The following CALN1 variants were observed in gnomAD, a reference collection of about 807,000 sequenced individuals.
CALN1 encodes calneuron 1.
A neutral mutation model predicts 30.6 loss-of-function variants in CALN1; 17 were observed. That is an observed-to-expected ratio of 0.56 (90% confidence interval 0.38 to 0.83). CALN1 has a LOEUF of 0.83. Ranked by LOEUF, CALN1 falls within the 40% of genes least tolerant of loss-of-function variation. CALN1 has a pLI of 0.00. For missense variants in CALN1, 291 were observed against 354.9 expected (o/e 0.82, Z 1.45); for synonymous variants, 156 against 131.4 (o/e 1.19, Z -1.28).
chr7:71,802,971 C>T (rs933748906), intron 6 of CALN1, among the ~76,000 whole-genome samples: 1 of 152,056 alleles, frequency 6.6e-6, no homozygotes, highest in African/African-American at 2.4e-5. Context: ...TTGCAGTGAG[C>T]TGAGATCGCG....
At chr7:71,944,168 A>C (rs10277368) in intron 5 of CALN1, among the ~76,000 whole-genome samples, 105,245 of 152,074 alleles carry the variant, frequency 0.69, 37,034 homozygotes, top group Non-Finnish European at 0.74. Flanking sequence ...GCTGCTAGGC[A>C]GGGTGCAGTG....
chr7:72,173,826 CTA>C (rs1290237302), intron 3 of CALN1, among the ~76,000 whole-genome samples: 1 of 151,580 alleles, frequency 6.6e-6, no homozygotes, highest in Non-Finnish European at 1.5e-5. Flanking sequence ...AAAACAAAAA[CTA>C]TAAAACATTG....
chr7:72,192,103 C>G (rs1262008712), intron 3 of CALN1, among the ~76,000 whole-genome samples: 1 of 152,152 alleles, frequency 6.6e-6, no homozygotes, highest in Non-Finnish European at 1.5e-5. Flanking sequence ...TCTTCTCTTT[C>G]CTCTGACCTC....
intron 3 of CALN1, among the ~76,000 whole-genome samples, chr7:72,182,770 A>G (rs992445053): frequency 4.4e-5 from 2 of 45,432 alleles, no homozygotes; most frequent in Non-Finnish European, 7.1e-5. Context: ...CCAATGTTGT[A>G]AAAAAAAAAA....
chr7:72,087,145 A>G (rs1805534635), intron 4 of CALN1, among the ~76,000 whole-genome samples: 1 of 152,242 alleles, frequency 6.6e-6, no homozygotes, highest in African/African-American at 2.4e-5. Context: ...AGTCAGAAAC[A>G]AAAGAGCGTC....
intron 3 of CALN1, among the ~76,000 whole-genome samples, chr7:72,115,125 TATAA>T (rs900724304): frequency 6.8e-6 from 1 of 147,756 alleles, no homozygotes; most frequent in African/African-American, 2.5e-5. Context: ...TATAGTATAA[TATAA>T]ATATATAGTA....
chr7:71,978,417 AC>A (rs901049721), intron 5 of CALN1, among the ~76,000 whole-genome samples: 1 of 149,626 alleles, frequency 6.7e-6, no homozygotes, highest in East Asian at 2.0e-4. Context: ...GACTACAGGC[AC>A]CCCCCCACCA....
At chr7:72,359,976 C>CAAAAAAAAAAAAAAAAAAAAAAA (rs750054515) in intron 2 of CALN1, among the ~76,000 whole-genome samples, 6 of 63,944 alleles carry the variant, frequency 9.4e-5, no homozygotes, top group Admixed American at 3.7e-4. Context: ...GACTCCATCT[C>CAAAAAAAAAAAAAAAAAAAAAAA]AAAAAAAAAA....
intron 2 of CALN1, among the ~76,000 whole-genome samples, chr7:72,314,354 T>TATAC (rs1800270083): frequency 2.5e-5 from 2 of 81,006 alleles, no homozygotes; most frequent in South Asian, 6.8e-4. Flanking sequence ...TATATACATA[T>TATAC]ATATACATAT....
At chr7:72,155,837 G>A (rs1787632750) in intron 3 of CALN1, among the ~76,000 whole-genome samples, 1 of 152,120 alleles carries the variant, frequency 6.6e-6, no homozygotes, top group South Asian at 2.1e-4. Context: ...CCCTCTGGAA[G>A]CTCAGCAAAT....
intron 3 of CALN1, among the ~76,000 whole-genome samples, chr7:72,156,992 C>A (rs1468369852): frequency 6.6e-6 from 1 of 152,184 alleles, no homozygotes; most frequent in East Asian, 1.9e-4. Context: ...GCTGTGATTG[C>A]CATGGTTGAG....
At chr7:71,959,436 G>A (rs1433983710) in intron 5 of CALN1, among the ~76,000 whole-genome samples, 3 of 152,042 alleles carry the variant, frequency 2.0e-5, no homozygotes, top group Non-Finnish European at 4.4e-5. Flanking sequence ...TCCTTTTGAG[G>A]AAAGGAAAAT....
intron 3 of CALN1, among the ~76,000 whole-genome samples, chr7:72,156,149 A>T (rs1787663044): frequency 6.6e-6 from 1 of 152,158 alleles, no homozygotes; most frequent in African/African-American, 2.4e-5. Flanking sequence ...ACCCAATGAG[A>T]TTCTCTAGAA....
chr7:72,451,188 G>GAGAAGAAGAAGAAGAAGAAGAAGAAGA (rs758368072), upstream of CALN1, among the ~76,000 whole-genome samples: 2 of 125,112 alleles, frequency 1.6e-5, no homozygotes, highest in African/African-American at 7.9e-5. Context: ...GCAGGAGGAG[G>GAGAAGAAGAAGAAGAAGAAGAAGAAGA]AGAAGAAGAA....
At chr7:71,901,938 AGAGC>A (rs1793873051) in intron 5 of CALN1, among the ~76,000 whole-genome samples, 1 of 152,234 alleles carries the variant, frequency 6.6e-6, no homozygotes, top group Non-Finnish European at 1.5e-5. Context: ...TTATTACTAA[AGAGC>A]TTTTACACAG....
intron 5 of CALN1, among the ~76,000 whole-genome samples, chr7:71,831,897 AC>A (rs376943359): frequency 0.16 from 16,726 of 106,688 alleles, 4,253 homozygotes; most frequent in South Asian, 0.24. Flanking sequence ...AAAAAAAAAA[AC>A]AAACCAAAAA....
At chr7:71,904,943 T>A (rs368916875) in intron 5 of CALN1, among the ~76,000 whole-genome samples, 61 of 152,296 alleles carry the variant, frequency 4.0e-4, no homozygotes, top group African/African-American at 1.4e-3. Context: ...ATTTCTTTAT[T>A]TGATTTATTT....
chr7:72,393,609 G>A (rs536601265), intron 2 of CALN1, among the ~76,000 whole-genome samples: 1 of 152,260 alleles, frequency 6.6e-6, no homozygotes, highest in South Asian at 2.1e-4. Flanking sequence ...GATGTCAGAT[G>A]TACTCTGTCC....
At chr7:72,276,577 G>A (rs941213816) in intron 3 of CALN1, among the ~76,000 whole-genome samples, 1 of 151,698 alleles carries the variant, frequency 6.6e-6, no homozygotes, top group African/African-American at 2.4e-5. Context: ...TGGTTAAGAC[G>A]TGATTTGACT....
Sources: allele counts gnomAD v4.1 joint callset (sites outside exome capture counted in the v4.1 genomes callset), GRCh38; gene constraint gnomAD v4.1.1; transcripts MANE v1.5; gene names NCBI Gene and HGNC (gene_info 2026-07-23, HGNC 2026-07-21).